Variants in NIPA1 observed in about 807,000 individuals in gnomAD.
NIPA1 encodes NIPA magnesium transporter 1.
Under a neutral mutation model 23.9 loss-of-function variants are expected in NIPA1, and 13 were observed. That is an observed-to-expected ratio of 0.54 (90% CI 0.35 to 0.87). NIPA1 has a LOEUF of 0.87. Among genes scored for constraint, NIPA1 ranks in the 40% least tolerant of loss-of-function variants. The pLI, the probability that NIPA1 is intolerant of heterozygous loss-of-function variation, is 0.01. For missense variants in NIPA1, 362 were observed against 429.7 expected, an observed-to-expected ratio of 0.84 and a Z score of 1.39; for synonymous variants, 234 against 202.9, an observed-to-expected ratio of 1.15 and a Z score of -1.30.
intron 1 of NIPA1, among the ~76,000 whole-genome samples, chr15:22,807,189 T>C: frequency 6.6e-6 from 1 of 152,210 alleles, no homozygotes; most frequent in South Asian, 2.1e-4. Context: ...GTACCTGGTA[T>C]TCCAGGTTCC....
chr15:22,809,413 C>T (rs1442633799), intron 1 of NIPA1, among the ~76,000 whole-genome samples: 1 of 151,916 alleles, frequency 6.6e-6, no homozygotes, highest in African/African-American at 2.4e-5. Context: ...AAAAAGAATT[C>T]ATTACTGTAA....
intron 1 of NIPA1, among the ~76,000 whole-genome samples, chr15:22,790,193 A>G (rs1240196075): frequency 6.6e-6 from 1 of 152,168 alleles, no homozygotes; most frequent in African/African-American, 2.4e-5. Flanking sequence ...GCCTTCATTA[A>G]TTTCATACTT....
intron 1 of NIPA1, among the ~76,000 whole-genome samples, chr15:22,808,443 C>T (rs1379238728): frequency 1.3e-5 from 2 of 152,160 alleles, no homozygotes; most frequent in African/African-American, 2.4e-5. Context: ...TAGGGCGTGG[C>T]TCAGGGCTGG....
At position 22,787,258 on chromosome 15, in the gene NIPA1, C is replaced by T. The variant is rs529250017; in HGVS notation, c.178+424C>T. Reference sequence around the variant, plus strand: ...GACGCGGTGCTGGGGTGCTCGAGCCCAGCGCCCGCCTGGAAGCGCCGCTTC... The same window carrying T: ...GACGCGGTGCTGGGGTGCTCGAGCCTAGCGCCCGCCTGGAAGCGCCGCTTC... On this transcript the variant is annotated intron_variant, in intron 1 of 4. Transcript: ENST00000337435. Among the ~76,000 whole-genome samples, 21 of 152,220 alleles carry T rather than the reference C, an allele frequency of 1.4e-4. No individual in the cohort carries two copies. In the South Asian group the frequency reaches 3.3e-3, roughly 24 times the overall value.
intron 4 of NIPA1, among the ~76,000 whole-genome samples, chr15:22,821,752 ACT>A (rs1281999313): frequency 2.6e-5 from 4 of 151,944 alleles, no homozygotes; most frequent in African/African-American, 9.7e-5. Context: ...TCTTGTCCAC[ACT>A]CTCTGGTTTG....
In NIPA1 at chr15:22,828,233, G is replaced by C. The variant is rs1895690399; in HGVS notation, c.*3994G>C. Reference sequence around the variant, plus strand: ...CCTTAACAGTGACCTTCCTCCCAAGGACATATCCGTGTTCATTTTTCATAG... The same window carrying C: ...CCTTAACAGTGACCTTCCTCCCAAGCACATATCCGTGTTCATTTTTCATAG... On this transcript the variant is annotated 3_prime_UTR_variant, in exon 5 of 5. Transcript: ENST00000337435. 1 of 152,500 alleles carries C rather than the reference G, an allele frequency of 6.6e-6. No homozygotes were observed. The highest frequency in any genetic ancestry group is 6.6e-5 in the Admixed American group (1 of 15,260). 9.4% of individuals were successfully genotyped at this position (152,500 alleles called of 1,614,324 possible). A position where few individuals can be genotyped will look rare whatever the true frequency, so the allele number is the denominator to read the frequency against.
At chr15:22,806,431 G>A (rs1406376912) in intron 1 of NIPA1, among the ~76,000 whole-genome samples, 1 of 152,108 alleles carries the variant, frequency 6.6e-6, no homozygotes, top group African/African-American at 2.4e-5. Flanking sequence ...CCAATGAGAG[G>A]AAAACCAATG....
chr15:22,793,118 G>A (rs1050889407), intron 1 of NIPA1, among the ~76,000 whole-genome samples: 1 of 151,696 alleles, frequency 6.6e-6, no homozygotes, highest in African/African-American at 2.4e-5. Context: ...GGGACACCAA[G>A]GTGGGCAGAT....
intron 4 of NIPA1, among the ~76,000 whole-genome samples, chr15:22,821,038 C>T (rs1017424844): frequency 1.1e-4 from 17 of 148,290 alleles, no homozygotes; most frequent in Admixed American, 1.0e-3. Context: ...AGTGCAGTGG[C>T]GCGATCTCAG....
At chr15:22,806,152 T>C (rs1015833151) in intron 1 of NIPA1, among the ~76,000 whole-genome samples, 5 of 152,200 alleles carry the variant, frequency 3.3e-5, no homozygotes, top group African/African-American at 1.2e-4. Flanking sequence ...CTTGATCTCC[T>C]GACCTTGTGA....
Position 22,824,019 on chromosome 15 carries a change from C to A in NIPA1, c.770C>A (p.Ser257Tyr). 1 of 1,614,136 alleles carries A rather than the reference C, an allele frequency of 6.2e-7. No individual in the cohort carries two copies. Among genetic ancestry groups the A allele is most frequent in the Non-Finnish European group, 8.5e-7 (1 of 1,179,992 alleles). ...YINKALECFD[S>Y]SVFGAIYYVV... is the part of the protein sequence containing the mutation. Reference sequence around the variant, plus strand: ...AACAAGGCGCTGGAGTGCTTCGACTCCTCGGTGTTCGGGGCCATCTACTAC... The same window carrying A: ...AACAAGGCGCTGGAGTGCTTCGACTACTCGGTGTTCGGGGCCATCTACTAC... Residue 257 changes from serine to tyrosine, a missense_variant, in exon 5 of 5, where the codon TCC becomes TAC. This residue lies in a region of NIPA1 where 277 missense variants were observed against 372.0 expected (regional missense o/e 0.74). Coordinates refer to ENST00000337435, the MANE Select transcript of NIPA1 (RefSeq NM_144599.5). This position sits in a 1 kb window ranked among gnomAD's most constrained non-coding sequence, Gnocchi z 4.1.
At chr15:22,817,910 CT>C in intron 3 of NIPA1, among the ~76,000 whole-genome samples, 1 of 151,590 alleles carries the variant, frequency 6.6e-6, no homozygotes, top group Middle Eastern at 3.5e-3. Context: ...TGATGAAATA[CT>C]TAAGAATAAA....
At chr15:22,799,943 C>CAAAAA (rs61174589) in intron 1 of NIPA1, among the ~76,000 whole-genome samples, 3 of 47,004 alleles carry the variant, frequency 6.4e-5, no homozygotes, top group African/African-American at 8.0e-5. Flanking sequence ...GACCCTGTCT[C>CAAAAA]AAAAAAAAAA....
chr15:22,804,168 G>T (rs1383686070), intron 1 of NIPA1, among the ~76,000 whole-genome samples: 1 of 151,908 alleles, frequency 6.6e-6, no homozygotes, highest in Non-Finnish European at 1.5e-5. Flanking sequence ...AGTAGAGACG[G>T]GGTTTCATCA....
rs562591088 is a variant in NIPA1, at chr15:22,796,030, C to T, written c.178+9196C>T. ...CACTGCAGCTTCGACCTCCTGGGCTCAAGTGATCCTCCTACCCCAGCCTCC... is the reference window on the plus strand; with the variant it reads ...CACTGCAGCTTCGACCTCCTGGGCTTAAGTGATCCTCCTACCCCAGCCTCC... On this transcript the variant is annotated intron_variant, in intron 1 of 4. Transcript: ENST00000337435. Among the ~76,000 whole-genome samples, 425 of 152,070 alleles carry T rather than the reference C, an allele frequency of 2.8e-3. 6 individuals carry two copies. Among genetic ancestry groups the T allele is most frequent in the African/African-American group, 9.9e-3 (410 of 41,462 alleles).
At chr15:22,817,794 G>A (rs1159446442) in intron 3 of NIPA1, among the ~76,000 whole-genome samples, 1 of 138,506 alleles carries the variant, frequency 7.2e-6, no homozygotes, top group African/African-American at 2.6e-5. Flanking sequence ...GACAGAGCGA[G>A]ACTGTGTCTC....
At chr15:22,810,568 CGGT>C (rs1566783969) in intron 1 of NIPA1, among the ~76,000 whole-genome samples, 178 bp from the exon 2 acceptor site, 2 of 151,972 alleles carry the variant, frequency 1.3e-5, no homozygotes, top group Non-Finnish European at 2.9e-5. Context: ...TTGCCACTTT[CGGT>C]GGTCTCTAAT....
upstream of NIPA1, chr15:22,786,358 G>A (rs1894695720): frequency 6.5e-6 from 1 of 153,406 alleles, no homozygotes; most frequent in Non-Finnish European, 1.5e-5. Context: ...CAGAAAGTAT[G>A]CGTGTTTCTC....
chr15:22,816,485 C>CTTT lies in NIPA1; in HGVS notation c.318-3828_318-3827insTTT, dbSNP rs1566786330. Among the ~76,000 whole-genome samples the CTTT allele has an allele frequency of 1.2e-3, 64 of 52,708 alleles. 7 individuals are homozygous for CTTT. The highest frequency in any genetic ancestry group is 2.8e-3 in the Admixed American group (12 of 4,336). 34.6% of individuals were successfully genotyped at this position (52,708 alleles called of 152,430 possible). A position where few individuals can be genotyped will look rare whatever the true frequency, so the allele number is the denominator to read the frequency against. On this transcript the variant is annotated intron_variant, in intron 3 of 4. Transcript: ENST00000337435. ...TACAGGTGTGAGCCACCGCACCCAG[C>CTTT]CTTTTTTTTTTTTTTTTTTTTTTTC...
Sources: gnomAD v4.1 joint callset for allele counts (sites outside exome capture counted in the v4.1 genomes callset) on GRCh38, gnomAD v4.1.1 for gene constraint, gnomAD v4.1.1 regional missense constraint, Gnocchi (gnomAD v3.1) non-coding constraint, MANE v1.5 for transcripts, NCBI Gene and HGNC (gene_info 2026-07-23, HGNC 2026-07-21) for gene names.